Variants in CNTNAP2 observed in about 807,000 individuals in gnomAD.
The protein encoded by CNTNAP2 is contactin associated protein 2, also known as contactin-associated protein-like 2.
In CNTNAP2, 98 loss-of-function variants were observed where a neutral mutation model predicts 155.2. The ratio of observed to expected loss-of-function variants is 0.63; its 90% confidence interval spans 0.54 to 0.75. The LOEUF is 0.75. Among genes scored for constraint, CNTNAP2 ranks in the 30% least tolerant of loss-of-function variants. The pLI is 0.00. For missense variants in CNTNAP2, 1,727 were observed against 1,688.1 expected (o/e 1.02, Z -0.40); for synonymous variants, 651 against 631.2 (o/e 1.03, Z -0.47).
chr7:147,523,790 C>T (rs1240968367), intron 11 of CNTNAP2, among the ~76,000 whole-genome samples: 5 of 152,144 alleles, frequency 3.3e-5, no homozygotes, highest in South Asian at 4.1e-4. Context: ...CAGCACAGAC[C>T]GTGTGCTATG....
intron 10 of CNTNAP2, among the ~76,000 whole-genome samples, chr7:147,414,367 T>A (rs368466292): frequency 1.4e-5 from 2 of 146,160 alleles, no homozygotes; most frequent in South Asian, 2.1e-4. Context: ...GGGGCTGCAA[T>A]GAGCTGAGAC....
At chr7:146,404,886 G>A (rs1795768772) in intron 1 of CNTNAP2, among the ~76,000 whole-genome samples, 1 of 151,950 alleles carries the variant, frequency 6.6e-6, no homozygotes, top group Non-Finnish European at 1.5e-5. Context: ...CTTCCCCTCC[G>A]TTCCACATTA....
intron 22 of CNTNAP2, among the ~76,000 whole-genome samples, chr7:148,393,367 G>A (rs895907632): frequency 7.9e-5 from 12 of 151,968 alleles, no homozygotes; most frequent in African/African-American, 2.2e-4. Flanking sequence ...ACACTTAATC[G>A]TGTGAAGAAA....
chr7:147,373,434 G>A (rs1234535153), intron 9 of CNTNAP2, among the ~76,000 whole-genome samples: 6 of 152,036 alleles, frequency 3.9e-5, no homozygotes, highest in Non-Finnish European at 8.8e-5. Context: ...ATAACCTACA[G>A]CTTTGAACTT....
chr7:147,194,868 G>A (rs879149393), intron 8 of CNTNAP2, among the ~76,000 whole-genome samples: 1 of 152,106 alleles, frequency 6.6e-6, no homozygotes, highest in East Asian at 1.9e-4. Context: ...CGTTCTGTAG[G>A]TTGCCTGTTC....
Position 147,977,901 on chromosome 7 carries a change from G to T in CNTNAP2, c.2295G>T (p.Leu765=). Reference sequence around the variant, plus strand: ...GTTTCTTATCATACAAAGATCACCTGCCAGTGAGCCAAGTGGTGGTTGGAG... The same window carrying T: ...GTTTCTTATCATACAAAGATCACCTTCCAGTGAGCCAAGTGGTGGTTGGAG... The part of the protein sequence containing the change: ...DAGFLSYKDH[L]PVSQVVVGDT... The change falls in exon 15 of 24, where the codon CTG becomes CTT. Residue 765 remains leucine, a synonymous_variant. Transcript: ENST00000361727. 1 of 1,614,118 alleles carries T rather than the reference G, an allele frequency of 6.2e-7. No individual in the cohort carries two copies.
At chr7:147,452,609 T>C (rs920757102) in intron 10 of CNTNAP2, among the ~76,000 whole-genome samples, 1 of 152,212 alleles carries the variant, frequency 6.6e-6, no homozygotes, top group African/African-American at 2.4e-5. Flanking sequence ...AAGAAGTTCA[T>C]GCTAAATTTT....
In CNTNAP2 at chr7:147,654,808, CT is replaced by C. The variant is rs1186575442; in HGVS notation, c.2098+15525del. 4.0e-3 allele frequency among the ~76,000 whole-genome samples: 391 copies of C among 97,296 alleles called. 1 individual carries two copies. Among genetic ancestry groups the C allele is most frequent in the East Asian group, 0.026 (90 of 3,526 alleles). The allele number at this position is 97,296 out of a possible 152,430, so 63.8% of individuals were successfully genotyped here. On this transcript the variant is annotated intron_variant, in intron 13 of 23. Coordinates refer to ENST00000361727, the MANE Select transcript of CNTNAP2 (RefSeq NM_014141.6). Reference sequence around the variant, plus strand: ...AGCTATAGCCTAGCAAAATATATTTCTTTTTTTTTTTTTTTTTTTTTTTGAG... The same window carrying C: ...AGCTATAGCCTAGCAAAATATATTTCTTTTTTTTTTTTTTTTTTTTTTGAG...
At position 148,328,983 on chromosome 7, in the gene CNTNAP2, A is replaced by G. The variant is rs1371176876; in HGVS notation, c.3476-54666A>G. ...AGAGCAAGACTCTGTCTGGAAAAAA[A>G]AAAAAAAAAAAAAAAAAGGCCCAAA... On this transcript the variant is annotated intron_variant, in intron 21 of 23. Transcript: ENST00000361727. Among the ~76,000 whole-genome samples the G allele has an allele frequency of 2.6e-3, 310 of 117,084 alleles. 1 individual carries two copies. Among genetic ancestry groups the G allele is most frequent in the African/African-American group, 0.011 (283 of 24,734 alleles). 76.8% of individuals were successfully genotyped at this position (117,084 alleles called of 152,430 possible).
chr7:148,242,371 G>T (rs1185857467), intron 20 of CNTNAP2, among the ~76,000 whole-genome samples: 1 of 152,182 alleles, frequency 6.6e-6, no homozygotes, highest in Admixed American at 6.5e-5. Flanking sequence ...TTCCACTCAG[G>T]CAGGGAGAAG....
At chr7:147,301,146 C>T (rs554387370) in intron 9 of CNTNAP2, among the ~76,000 whole-genome samples, 2 of 152,258 alleles carry the variant, frequency 1.3e-5, no homozygotes, top group African/African-American at 4.8e-5. Context: ...GTGCCTACCA[C>T]AGTCTACCTT....
chr7:146,535,050 T>TTTTAAAATTTAAA (rs1271005410), intron 1 of CNTNAP2, among the ~76,000 whole-genome samples: 1 of 110,968 alleles, frequency 9.0e-6, no homozygotes, highest in African/African-American at 3.5e-5. Context: ...TAGTTTTAAT[T>TTTTAAAATTTAAA]TTTAAAAATG....
intron 1 of CNTNAP2, among the ~76,000 whole-genome samples, chr7:146,567,532 A>G (rs570094585): frequency 1.3e-5 from 2 of 152,310 alleles, no homozygotes; most frequent in South Asian, 4.1e-4. Context: ...TTATACTTTG[A>G]TATAATTTAG....
chr7:147,391,045 A>C (rs1796707409), intron 9 of CNTNAP2, among the ~76,000 whole-genome samples: 1 of 152,124 alleles, frequency 6.6e-6, no homozygotes, highest in Non-Finnish European at 1.5e-5. Context: ...AGAGAAAATG[A>C]AGCTGTTTAG....
rs532946801 is a variant in CNTNAP2, at chr7:147,911,089, G to A, written c.2255+7368G>A. ...CGTTTTTATCTAGCAAAACTGAAAC[G>A]CTATACCCATTGAACAGTAATTCCC... On this transcript the variant is annotated intron_variant, in intron 14 of 23. Transcript: ENST00000361727. Among the ~76,000 whole-genome samples the A allele has an allele frequency of 5.3e-5, 8 of 151,748 alleles. No individual in the cohort carries two copies. In the South Asian group the frequency reaches 1.3e-3, roughly 24 times the overall value.
intron 8 of CNTNAP2, among the ~76,000 whole-genome samples, chr7:147,170,587 G>A (rs147702623): frequency 1.1e-5 from 1 of 91,756 alleles, no homozygotes; most frequent in Non-Finnish European, 2.3e-5. Context: ...CTGAGTGTGG[G>A]CTCCTCTCCT....
intron 3 of CNTNAP2, among the ~76,000 whole-genome samples, chr7:146,923,638 AGT>A (rs1477970102): frequency 6.6e-6 from 1 of 152,114 alleles, no homozygotes; most frequent in South Asian, 2.1e-4. Context: ...TGCTTCCAAC[AGT>A]ATTATTGTTT....
At chr7:146,941,673 G>T (rs1797060102) in intron 3 of CNTNAP2, among the ~76,000 whole-genome samples, 1 of 152,060 alleles carries the variant, frequency 6.6e-6, no homozygotes, top group South Asian at 2.1e-4. Flanking sequence ...TCTAACACAG[G>T]TTTGGTGGTG....
chr7:146,429,513 T>C (rs1208312839), intron 1 of CNTNAP2, among the ~76,000 whole-genome samples: 1 of 152,136 alleles, frequency 6.6e-6, no homozygotes, highest in Non-Finnish European at 1.5e-5. Flanking sequence ...TCATTCATAA[T>C]TCTGCTCTCT....
Sources: allele counts gnomAD v4.1 joint callset (sites outside exome capture counted in the v4.1 genomes callset), GRCh38; gene constraint gnomAD v4.1.1; transcripts MANE v1.5; gene names NCBI Gene and HGNC (gene_info 2026-07-23, HGNC 2026-07-21).